PLAC8: variants seen among roughly 807,000 people sequenced by gnomAD.
PLAC8 encodes placenta associated 8.
A neutral mutation model predicts 12.6 loss-of-function variants in PLAC8; 6 were observed. The ratio of observed to expected loss-of-function variants is 0.48; its 90% CI spans 0.26 to 0.94. PLAC8 has a LOEUF of 0.94. Among genes scored for constraint, PLAC8 ranks in the 40% least tolerant of loss-of-function variants. The probability of loss-of-function intolerance (pLI) is 0.14; values close to 1 mark genes in which losing one functional copy is unlikely to be tolerated. For synonymous variants in PLAC8, 54 were observed against 52.6 expected (o/e 1.03, Z -0.11); for missense variants, 122 against 152.7 (o/e 0.80, Z 1.06).
intron 2 of PLAC8, 77 bp downstream of exon 2, chr4:83,107,727 G>A: frequency 1.6e-6 from 1 of 638,700 alleles, no homozygotes; most frequent in Non-Finnish European, 2.6e-6. Context: ...CACAATAAGG[G>A]AGGAATGGGG....
At chr4:83,113,712 G>A (rs1732473748) in intron 1 of PLAC8, among the ~76,000 whole-genome samples, 1 of 152,076 alleles carries the variant, frequency 6.6e-6, no homozygotes, top group Non-Finnish European at 1.5e-5. Flanking sequence ...AAAAATGGGG[G>A]CAGGAGGTAG....
chr4:83,095,800 T>G (rs560929433), intron 3 of PLAC8, among the ~76,000 whole-genome samples: 3 of 152,338 alleles, frequency 2.0e-5, no homozygotes, highest in African/African-American at 7.2e-5. Context: ...TAAAATTAGA[T>G]GATTTTAAAA....
Position 83,107,818 on chromosome 4 carries a change from C to G in PLAC8, c.104G>C (p.Ser35Thr), listed in dbSNP as rs755983694. 1.9e-6 allele frequency: 3 copies of G among 1,606,224 alleles called. No homozygotes were observed. The highest frequency in any genetic ancestry group is 2.6e-6 in the Non-Finnish European group (3 of 1,175,118). ...CACACACTTACAGACTCCGCAGTCG[C>G]TGAAACAGTCACACATGCCTGTCTG... is the stretch of plus-strand genomic sequence containing the variant. ...NWQTGMCDCFSDCGVCLCGTF... is the reference protein window; with the variant it reads ...NWQTGMCDCFTDCGVCLCGTF... Residue 35 changes from serine to threonine, a missense_variant, in exon 2 of 5, where the codon AGC (serine) becomes ACC (threonine). By Grantham distance (58) the Ser-to-Thr change is moderately conservative (BLOSUM62 1). Coordinates refer to ENST00000311507, the MANE Select transcript of PLAC8 (RefSeq NM_016619.3).
rs1299889738 is a variant in PLAC8, at chr4:83,112,186, ATTTATATATATATATATGTATATATATAT to A, written c.-30+2451_-30+2479del. Among the ~76,000 whole-genome samples, 12 of 106,636 alleles carry A rather than the reference ATTTATATATATATATATGTATATATATAT, an allele frequency of 1.1e-4. No individual in the cohort carries two copies. The Admixed American group carries it at 1.3e-3, about 11-fold the overall frequency. The allele number at this position is 106,636 out of a possible 152,430, so 70.0% of individuals were successfully genotyped here. A position where few individuals can be genotyped will look rare whatever the true frequency, so the allele number is the denominator to read the frequency against. ...GAGACTCCGTCTCAAAAAAAAAAAA[ATTTATATATATATATATGTATATATATAT>A]ATGTATATATATATATATATATGTA... On this transcript the variant is annotated intron_variant, in intron 1 of 4. Transcript: ENST00000311507.
At chr4:83,105,534 CA>C (rs1732214090) in intron 2 of PLAC8, among the ~76,000 whole-genome samples, 1 of 152,146 alleles carries the variant, frequency 6.6e-6, no homozygotes, top group African/African-American at 2.4e-5. Context: ...CATATCCTGG[CA>C]AAGGCTAGTG....
At chr4:83,104,357 C>T (rs1268728874) in intron 3 of PLAC8, among the ~76,000 whole-genome samples, 1 of 152,050 alleles carries the variant, frequency 6.6e-6, no homozygotes, top group Non-Finnish European at 1.5e-5. Flanking sequence ...ATACACACAT[C>T]CACTCCCAAT....
intron 4 of PLAC8, among the ~76,000 whole-genome samples, chr4:83,092,218 C>G (rs1050421726): frequency 2.0e-5 from 3 of 152,090 alleles, no homozygotes; most frequent in African/African-American, 4.8e-5. Flanking sequence ...CTTGAGCTAT[C>G]AGGACTCATT....
At chr4:83,111,911 G>A (rs926572120) in intron 1 of PLAC8, among the ~76,000 whole-genome samples, 7 of 151,998 alleles carry the variant, frequency 4.6e-5, no homozygotes, top group Non-Finnish European at 7.4e-5. Context: ...CAGCTGTATC[G>A]GCTGGGTGTG....
At chr4:83,106,834 C>T (rs1296683703) in intron 2 of PLAC8, among the ~76,000 whole-genome samples, 1 of 152,216 alleles carries the variant, frequency 6.6e-6, no homozygotes, top group African/African-American at 2.4e-5. Flanking sequence ...ACGCCCATCA[C>T]ACCCCAAACT....
Position 83,110,801 on chromosome 4 carries a change from C to A in PLAC8, c.-29-2851G>T, listed in dbSNP as rs575889735. 8.5e-5 allele frequency among the ~76,000 whole-genome samples: 13 copies of A among 152,306 alleles called. No homozygotes were observed. In the East Asian group the frequency reaches 2.5e-3, roughly 29 times the overall value. On this transcript the variant is annotated intron_variant, in intron 1 of 4. Transcript: ENST00000311507. ...ACCATATTTTTGGGTGATGGCTTCC[C>A]ACATTTGAAATCCTGGAGGAAGAAG...
At chr4:83,114,025 A>G (rs1732480079) in intron 1 of PLAC8, among the ~76,000 whole-genome samples, 1 of 150,862 alleles carries the variant, frequency 6.6e-6, no homozygotes, top group Non-Finnish European at 1.5e-5. Flanking sequence ...GATACTAGAC[A>G]TATTATTGAG....
chr4:83,101,487 TAA>T (rs1732100857), intron 3 of PLAC8, among the ~76,000 whole-genome samples: 1 of 152,220 alleles, frequency 6.6e-6, no homozygotes, highest in African/African-American at 2.4e-5. Flanking sequence ...CTCCGTAACA[TAA>T]AAGCACAAGG....
chr4:83,106,928 G>T (rs747533840), intron 2 of PLAC8, among the ~76,000 whole-genome samples: 1 of 152,132 alleles, frequency 6.6e-6, no homozygotes, highest in Non-Finnish European at 1.5e-5. Context: ...GCCTGGGTGC[G>T]GTGGCTCACG....
intron 1 of PLAC8, among the ~76,000 whole-genome samples, chr4:83,112,594 C>A (rs1034576379): frequency 1.3e-5 from 2 of 152,164 alleles, no homozygotes; most frequent in African/African-American, 4.8e-5. Context: ...TCCAGGACTT[C>A]CATCTGTCAC....
Position 83,108,085 on chromosome 4 carries a change from T to C in PLAC8, c.-29-135A>G, listed in dbSNP as rs1238268399. Reference sequence around the variant, plus strand: ...CACCAACATGGCACATGTATACATATGTAACAAACCTGCACGTTGTGCACA... The same window carrying C: ...CACCAACATGGCACATGTATACATACGTAACAAACCTGCACGTTGTGCACA... On this transcript the variant is annotated intron_variant, in intron 1 of 4. Transcript: ENST00000311507. The C allele has an allele frequency of 5.1e-5, 11 of 214,476 alleles. No individual in the cohort carries two copies. The East Asian group carries it at 1.5e-3, about 30-fold the overall frequency. 13.3% of individuals were successfully genotyped at this position (214,476 alleles called of 1,614,324 possible). A position where few individuals can be genotyped will look rare whatever the true frequency, so the allele number is the denominator to read the frequency against.
intron 3 of PLAC8, among the ~76,000 whole-genome samples, chr4:83,095,708 G>T (rs1357269113): frequency 6.6e-6 from 1 of 152,198 alleles, no homozygotes; most frequent in South Asian, 2.1e-4. Flanking sequence ...ATACAAGTGT[G>T]TGATTTGGAG....
At chr4:83,102,901 A>G (rs933246538) in intron 3 of PLAC8, among the ~76,000 whole-genome samples, 1 of 151,424 alleles carries the variant, frequency 6.6e-6, no homozygotes, top group Non-Finnish European at 1.5e-5. Context: ...ACTGGCTAAC[A>G]CGGTGAAACC....
chr4:83,099,336 C>T (rs534659500), intron 3 of PLAC8, among the ~76,000 whole-genome samples: 1 of 151,900 alleles, frequency 6.6e-6, no homozygotes, highest in Non-Finnish European at 1.5e-5. Flanking sequence ...TTGTGGCAAC[C>T]CTGCATCAAG....
intron 3 of PLAC8, among the ~76,000 whole-genome samples, chr4:83,097,092 T>C (rs1731955920): frequency 6.6e-6 from 1 of 152,206 alleles, no homozygotes; most frequent in Non-Finnish European, 1.5e-5. Context: ...TTGCTACTTA[T>C]TTGGTCCTAG....
Sources: allele counts gnomAD v4.1 joint callset (sites outside exome capture counted in the v4.1 genomes callset), GRCh38; gene constraint gnomAD v4.1.1; transcripts MANE v1.5; gene names NCBI Gene and HGNC (gene_info 2026-07-23, HGNC 2026-07-21).